The following MRE11 variants were observed in gnomAD, a reference collection of about 807,000 sequenced individuals.
The protein encoded by MRE11 is MRE11 double strand break repair nuclease.
A neutral mutation model predicts 91.7 loss-of-function variants in MRE11; 62 were observed. The ratio of observed to expected loss-of-function variants is 0.68; its 90% CI spans 0.55 to 0.84. MRE11 has a LOEUF of 0.84. Among genes scored for constraint, MRE11 ranks in the 40% least tolerant of loss-of-function variants. The pLI, the probability that MRE11 is intolerant of heterozygous loss-of-function variation, is 0.00. For missense variants in MRE11, 796 were observed against 852.9 expected, an observed-to-expected ratio of 0.93 and a Z score of 0.83; for synonymous variants, 273 against 271.4, an observed-to-expected ratio of 1.01 and a Z score of -0.06.
At position 94,415,797 on chromosome 11, in the gene MRE11, G is replaced by A. The variant is rs1471263218; in HGVS notation, c.*4328C>T. On this transcript the variant is annotated 3_prime_UTR_variant, in exon 20 of 20. Transcript: ENST00000323929. The stretch of plus-strand genomic sequence containing the variant: ...GCTAAAACATGTAGCTATACAATCT[G>A]GGGTTCTTATCGATTGATGGATAGA... The A allele has an allele frequency of 6.6e-6, 1 of 152,188 alleles. No individual in the cohort carries two copies. Among genetic ancestry groups the A allele is most frequent in the Non-Finnish European group, 1.5e-5 (1 of 68,046 alleles). 9.4% of individuals were successfully genotyped at this position (152,188 alleles called of 1,614,324 possible).
At chr11:94,451,710 T>C (rs1175167581) in intron 14 of MRE11, among the ~76,000 whole-genome samples, 1 of 152,248 alleles carries the variant, frequency 6.6e-6, no homozygotes, top group Non-Finnish European at 1.5e-5. Context: ...AAAACCCAAA[T>C]GTATATCTTC....
At chr11:94,451,101 A>G (rs1296824901) in intron 14 of MRE11, among the ~76,000 whole-genome samples, 1 of 152,098 alleles carries the variant, frequency 6.6e-6, no homozygotes, top group Non-Finnish European at 1.5e-5. Context: ...CCTGGGCAAC[A>G]TAACGAGACT....
In MRE11 at chr11:94,422,133, T is replaced by A. The variant is rs1301634775; in HGVS notation, c.2071-1952A>T. 2.6e-5 allele frequency among the ~76,000 whole-genome samples: 4 copies of A among 152,190 alleles called. No homozygotes were observed. In the East Asian group the frequency reaches 5.8e-4, roughly 22 times the overall value. On this transcript the variant is annotated intron_variant, in intron 19 of 19. Transcript: ENST00000323929. The stretch of plus-strand genomic sequence containing the variant: ...CACTTTCAAGCAAATCAACAAAAAC[T>A]AGCAAAGGCCCTTCAAATGGCAGCC...
chr11:94,494,349 CTGCTTTG>C (rs1028634946), upstream of MRE11, among the ~76,000 whole-genome samples: 12 of 152,324 alleles, frequency 7.9e-5, no homozygotes, highest in Middle Eastern at 3.4e-3. Context: ...CACATCTGCA[CTGCTTTG>C]TGCTGAGAGC....
At chr11:94,470,448 T>C (rs200416958) in intron 9 of MRE11, 23 bp downstream of exon 9, 10 of 1,608,326 alleles carry the variant, frequency 6.2e-6, no homozygotes, top group Middle Eastern at 1.8e-4. Flanking sequence ...GTAGATCTCA[T>C]TGACTTTATC....
chr11:94,441,086 C>T (rs144338064), intron 16 of MRE11, among the ~76,000 whole-genome samples: 1 of 152,280 alleles, frequency 6.6e-6, no homozygotes, highest in East Asian at 1.9e-4. Flanking sequence ...GCAAACCCCC[C>T]ACTTGCTCGC....
At position 94,459,446 on chromosome 11, in the gene MRE11, G is replaced by C. The variant is rs375261439; in HGVS notation, c.1462C>G (p.Arg488Gly). 6.8e-6 allele frequency: 11 copies of C among 1,613,812 alleles called. No individual in the cohort carries two copies. The highest frequency in any genetic ancestry group is 8.5e-6 in the Non-Finnish European group (10 of 1,179,916). Residue 488 changes from arginine to glycine, a missense_variant, in exon 13 of 20, where the codon CGT (arginine) becomes GGT (glycine). Physicochemically the swap from Arg to Gly is moderately radical, Grantham distance 125. Coordinates refer to ENST00000323929, the MANE Select transcript of MRE11 (RefSeq NM_005591.4). ...LEKTQRFLKE[R>G]HIDALEDKID... is the part of the protein sequence containing the mutation. ...TTGTCTTCGAGGGCATCAATATGAC[G>C]TTCTTTAAGAAATCGCTGTGTTTTT...
chr11:94,485,121 T>C (rs1331965045), intron 4 of MRE11, among the ~76,000 whole-genome samples: 4 of 149,700 alleles, frequency 2.7e-5, no homozygotes, highest in East Asian at 3.9e-4. Context: ...TAATCCCAAC[T>C]ACTCGCCTGT....
At chr11:94,449,947 A>G (rs920840960) in intron 14 of MRE11, among the ~76,000 whole-genome samples, 1 of 152,226 alleles carries the variant, frequency 6.6e-6, no homozygotes, top group Non-Finnish European at 1.5e-5. Context: ...ACATGACTAC[A>G]TATTTATTGC....
intron 4 of MRE11, among the ~76,000 whole-genome samples, chr11:94,481,049 C>T (rs537079547): frequency 1.2e-4 from 18 of 152,286 alleles, no homozygotes; most frequent in African/African-American, 4.1e-4. Flanking sequence ...TGGCTCACAT[C>T]TGTAATCCCA....
chr11:94,450,196 G>A (rs1028360281), intron 14 of MRE11, among the ~76,000 whole-genome samples: 15 of 152,094 alleles, frequency 9.9e-5, no homozygotes, highest in Admixed American at 9.2e-4. Flanking sequence ...AAAAGATTAC[G>A]TATTGATCAG....
rs1554996390 is a variant in MRE11 at position 94,419,461 on chromosome 11, AGAGG to A, written c.*660_*663del. On this transcript the variant is annotated 3_prime_UTR_variant, in exon 20 of 20. Coordinates refer to ENST00000323929, the MANE Select transcript of MRE11 (RefSeq NM_005591.4). ...AAAGGAAGAGTGGGGAACGGGGGGGAGAGGGAGAGAGAGAGAGAGAGAGAGAGAG... is the reference window on the plus strand; with the variant it reads ...AAAGGAAGAGTGGGGAACGGGGGGGAGAGAGAGAGAGAGAGAGAGAGAGAG... 1 of 218,658 alleles carries A rather than the reference AGAGG, an allele frequency of 4.6e-6. No individual in the cohort carries two copies. Among genetic ancestry groups the A allele is most frequent in the East Asian group, 6.3e-5 (1 of 15,918 alleles). 13.5% of individuals were successfully genotyped at this position (218,658 alleles called of 1,614,324 possible).
intron 19 of MRE11, among the ~76,000 whole-genome samples, chr11:94,424,559 G>A (rs1945258520): frequency 6.6e-6 from 1 of 152,170 alleles, no homozygotes; most frequent in Non-Finnish European, 1.5e-5. Context: ...TGGCAGGGAA[G>A]CTCATCAAGA....
Position 94,419,465 on chromosome 11 carries a change from G to GGGGAGAGAGAGAGAGAGAGAGAGAGA in MRE11, c.*659_*660insTCTCTCTCTCTCTCTCTCTCTCTCCC, listed in dbSNP as rs373002609. On this transcript the variant is annotated 3_prime_UTR_variant, in exon 20 of 20. Coordinates refer to ENST00000323929, the MANE Select transcript of MRE11 (RefSeq NM_005591.4). ...GAAGAGTGGGGAACGGGGGGGAGAGGGAGAGAGAGAGAGAGAGAGAGAGAG... is the reference window on the plus strand; with the variant it reads ...GAAGAGTGGGGAACGGGGGGGAGAGGGGGAGAGAGAGAGAGAGAGAGAGAGAGAGAGAGAGAGAGAGAGAGAGAGAG... The GGGGAGAGAGAGAGAGAGAGAGAGAGA allele has an allele frequency of 1.6e-4, 34 of 216,412 alleles. No individual in the cohort carries two copies. The highest frequency in any genetic ancestry group is 1.2e-4 in the African/African-American group (5 of 40,706). The allele number at this position is 216,412 out of a possible 1,614,324, so 13.4% of individuals were successfully genotyped here. A position where few individuals can be genotyped will look rare whatever the true frequency, so the allele number is the denominator to read the frequency against.
chr11:94,442,797 G>A (rs1281878146), intron 16 of MRE11, among the ~76,000 whole-genome samples: 1 of 152,112 alleles, frequency 6.6e-6, no homozygotes, highest in African/African-American at 2.4e-5. Context: ...AAGTCACAAA[G>A]CTGTCATTTG....
chr11:94,469,799 A>T (rs886259833), intron 9 of MRE11, among the ~76,000 whole-genome samples: 2 of 152,184 alleles, frequency 1.3e-5, no homozygotes, highest in African/African-American at 4.8e-5. Flanking sequence ...CATTGTTACT[A>T]TGTTACCTGA....
intron 4 of MRE11, among the ~76,000 whole-genome samples, chr11:94,484,415 A>G (rs542310233): frequency 6.6e-6 from 1 of 152,384 alleles, no homozygotes; most frequent in Non-Finnish European, 1.5e-5. Context: ...AAGGAGGAAC[A>G]GAAAAGTCGC....
chr11:94,465,210 G>C (rs1316882546), intron 10 of MRE11, among the ~76,000 whole-genome samples: 1 of 152,116 alleles, frequency 6.6e-6, no homozygotes, highest in Non-Finnish European at 1.5e-5. Context: ...GCTGTTTTAT[G>C]AATGAATTCG....
upstream of MRE11, chr11:94,498,085 G>A (rs751082496): frequency 1.2e-6 from 2 of 1,610,034 alleles, no homozygotes; most frequent in Middle Eastern, 1.7e-4. Context: ...CCACAGTGCG[G>A]AGACTCCTTT....
Sources: allele counts gnomAD v4.1 joint callset (sites outside exome capture counted in the v4.1 genomes callset), GRCh38; gene constraint gnomAD v4.1.1; transcripts MANE v1.5; gene names NCBI Gene and HGNC (gene_info 2026-07-23, HGNC 2026-07-21).